The following SMAP2 variants were observed in gnomAD, a reference collection of about 807,000 sequenced individuals.
SMAP2 encodes small ArfGAP2, also known as stromal membrane-associated protein 2.
A neutral mutation model predicts 56.4 loss-of-function variants in SMAP2; 25 were observed. That is an observed-to-expected ratio of 0.44 (90% CI 0.32 to 0.62). The LOEUF is 0.62. Among genes scored for constraint, SMAP2 ranks in the 20% least tolerant of loss-of-function variants. The pLI is 0.04. For synonymous variants in SMAP2, 157 were observed against 181.7 expected, an observed-to-expected ratio of 0.86 and a Z score of 1.09; for missense variants, 388 against 545.6, an observed-to-expected ratio of 0.71 and a Z score of 2.88.
At chr1:40,352,884 G>A (rs781353560) in intron 1 of SMAP2, among the ~76,000 whole-genome samples, 2 of 152,004 alleles carry the variant, frequency 1.3e-5, no homozygotes, top group Non-Finnish European at 2.9e-5. Flanking sequence ...TAATGATCTC[G>A]ACCACAATTG....
At chr1:40,395,725 G>A (rs1223592969) in intron 1 of SMAP2, among the ~76,000 whole-genome samples, 1 of 152,178 alleles carries the variant, frequency 6.6e-6, no homozygotes, top group Admixed American at 6.5e-5. Flanking sequence ...CGTATCTTTA[G>A]CTGTGTAGAT....
intron 1 of SMAP2, among the ~76,000 whole-genome samples, chr1:40,390,119 T>C (rs1338550160): frequency 6.6e-6 from 1 of 152,216 alleles, no homozygotes; most frequent in Non-Finnish European, 1.5e-5. Flanking sequence ...TCTCCATCTT[T>C]TGCTCTCCTC....
At chr1:40,418,077 G>A (rs982659788) in intron 9 of SMAP2, among the ~76,000 whole-genome samples, 3 of 152,136 alleles carry the variant, frequency 2.0e-5, no homozygotes, top group African/African-American at 7.2e-5. Flanking sequence ...GAAGAAAATT[G>A]TTACACAATC....
chr1:40,375,835 C>CCG (rs1553189418), intron 1 of SMAP2: 28 of 822,214 alleles, frequency 3.4e-5, no homozygotes, highest in Non-Finnish European at 4.0e-5. Flanking sequence ...AACCCCCCCC[C>CCG]CCATTTCTCA....
intron 1 of SMAP2, among the ~76,000 whole-genome samples, chr1:40,354,379 C>T (rs529235788): frequency 3.9e-5 from 6 of 152,210 alleles, no homozygotes; most frequent in African/African-American, 1.2e-4. Context: ...CTCGCTCTGT[C>T]GCCCAGGCTG....
chr1:40,373,956 C>T lies in SMAP2; in HGVS notation c.-165C>T, dbSNP rs1193588181. The T allele has an allele frequency of 1.7e-6, 1 of 580,098 alleles. No individual in the cohort carries two copies. Among genetic ancestry groups the T allele is most frequent in the East Asian group, 3.0e-5 (1 of 33,418 alleles). The allele number at this position is 580,098 out of a possible 1,614,324, so 35.9% of individuals were successfully genotyped here. A position where few individuals can be genotyped will look rare whatever the true frequency, so the allele number is the denominator to read the frequency against. Reference sequence around the variant, plus strand: ...GGGGCTGCGGAGTGGGGGACGGACGCCCCCGACCCGGGAAGGGGCGTCCGG... The same window carrying T: ...GGGGCTGCGGAGTGGGGGACGGACGTCCCCGACCCGGGAAGGGGCGTCCGG... On this transcript the variant is annotated 5_prime_UTR_variant, in exon 1 of 10. Transcript: ENST00000372718.
chr1:40,409,866 C>T (rs1382123798), intron 4 of SMAP2, 31 bp downstream of exon 4: 1 of 1,382,806 alleles, frequency 7.2e-7, no homozygotes, highest in Admixed American at 1.7e-5. Context: ...GTTTTGTCCA[C>T]AATAAGTAAT....
intron 1 of SMAP2, among the ~76,000 whole-genome samples, chr1:40,348,271 AT>A (rs1393691839): frequency 6.6e-6 from 1 of 152,220 alleles, no homozygotes; most frequent in Non-Finnish European, 1.5e-5. Flanking sequence ...TTTGATATGT[AT>A]TTCTGAATTG....
chr1:40,374,271 G>A lies in SMAP2; in HGVS notation c.103+48G>A, dbSNP rs1222501663. 6.6e-7 allele frequency: 1 copy of A among 1,509,202 alleles called. No homozygotes were observed. The highest frequency in any genetic ancestry group is 9.1e-7 in the Non-Finnish European group (1 of 1,100,024). The allele number at this position is 1,509,202 out of a possible 1,614,324, so 93.5% of individuals were successfully genotyped here. A position where few individuals can be genotyped will look rare whatever the true frequency, so the allele number is the denominator to read the frequency against. The stretch of plus-strand genomic sequence containing the variant: ...CCAGGGGTCCAGCCGCGCCGGGGTG[G>A]TGGGGGTGGGCTGCGTGAAGAGGCG... On this transcript the variant is annotated intron_variant, in intron 1 of 9. Transcript: ENST00000372718. The surrounding 1 kb of genome is among the most constrained non-coding windows in gnomAD (Gnocchi z 5.9).
intron 1 of SMAP2, among the ~76,000 whole-genome samples, chr1:40,379,555 C>CTTTTTT (rs35398664): frequency 9.0e-5 from 7 of 78,124 alleles, no homozygotes; most frequent in Non-Finnish European, 1.2e-4. Context: ...TGTTGTCTCT[C>CTTTTTT]TTTTTTTTTT....
At chr1:40,371,730 A>C (rs924261634), upstream of SMAP2, among the ~76,000 whole-genome samples, 6 of 152,230 alleles carry the variant, frequency 3.9e-5, no homozygotes, top group Admixed American at 3.9e-4. Flanking sequence ...ATGTGCTCAG[A>C]AGGCAAAACG....
Position 40,414,045 on chromosome 1 carries a change from T to G in SMAP2, c.490-114T>G, listed in dbSNP as rs904549308. On this transcript the variant is annotated intron_variant, in intron 5 of 9. Transcript: ENST00000372718. ...TCCTGAGTTTTGTTTCTTTGGTAAC[T>G]CTCTTTGAATAACAGCAGCCCTACC... 5 of 865,380 alleles carry G rather than the reference T, an allele frequency of 5.8e-6. No homozygotes were observed. In the Admixed American group the frequency reaches 1.3e-4, roughly 22 times the overall value. The allele number at this position is 865,380 out of a possible 1,614,324, so 53.6% of individuals were successfully genotyped here.
At chr1:40,346,850 T>A (rs1311457329) in intron 1 of SMAP2, among the ~76,000 whole-genome samples, 2 of 151,948 alleles carry the variant, frequency 1.3e-5, no homozygotes, top group Admixed American at 1.3e-4. Flanking sequence ...TAAAATCTTG[T>A]TTCATTTATT....
chr1:40,345,547 G>C (rs1191406890), intron 1 of SMAP2, among the ~76,000 whole-genome samples: 1 of 151,528 alleles, frequency 6.6e-6, no homozygotes, highest in African/African-American at 2.4e-5. Context: ...GGCTGGTTTT[G>C]AACTCCTGGG....
upstream of SMAP2, among the ~76,000 whole-genome samples, chr1:40,370,917 G>C (rs1479829955): frequency 6.6e-6 from 1 of 151,910 alleles, no homozygotes; most frequent in Non-Finnish European, 1.5e-5. Context: ...GCTCATGCCA[G>C]TAATCCTAGT....
chr1:40,389,558 T>A (rs141995930), intron 1 of SMAP2, among the ~76,000 whole-genome samples: 141 of 152,324 alleles, frequency 9.3e-4, no homozygotes, highest in Non-Finnish European at 1.5e-3. Context: ...ATCTCATGGT[T>A]GCTTTGTGGT....
intron 9 of SMAP2, 67 bp downstream of exon 9, chr1:40,417,163 C>G: frequency 8.7e-7 from 1 of 1,151,714 alleles, no homozygotes; most frequent in Admixed American, 2.2e-5. Flanking sequence ...CGGTTTGTAC[C>G]TCTCCACTAT....
intron 1 of SMAP2, among the ~76,000 whole-genome samples, chr1:40,404,216 T>G (rs922748216): frequency 6.6e-6 from 1 of 152,242 alleles, no homozygotes; most frequent in South Asian, 2.1e-4. Context: ...TTATGGAACA[T>G]GTAGTTATTC....
In SMAP2 at chr1:40,408,679, G is replaced by C; in HGVS notation, c.264G>C (p.Lys88Asn). The C allele has an allele frequency of 6.2e-7, 1 of 1,613,994 alleles. No homozygotes were observed. Among genetic ancestry groups the C allele is most frequent in the Non-Finnish European group, 8.5e-7 (1 of 1,179,874 alleles). ...IQCMQEMGNG[K>N]ANRLYEAYLP... Reference sequence around the variant, plus strand: ...GCATGCAAGAGATGGGAAATGGAAAGGCAAACCGACTTTATGAAGCCTATC... The same window carrying C: ...GCATGCAAGAGATGGGAAATGGAAACGCAAACCGACTTTATGAAGCCTATC... Residue 88 changes from lysine to asparagine, a missense_variant, in exon 3 of 10, where the codon AAG becomes AAC. Transcript: ENST00000372718. The surrounding 1 kb of genome is among the most constrained non-coding windows in gnomAD (Gnocchi z 4.3).
Sources: allele counts gnomAD v4.1 joint callset (sites outside exome capture counted in the v4.1 genomes callset), GRCh38; gene constraint gnomAD v4.1.1; non-coding constraint Gnocchi (gnomAD v3.1); transcripts MANE v1.5; gene names NCBI Gene and HGNC (gene_info 2026-07-23, HGNC 2026-07-21).